ABCA13: variants seen among roughly 807,000 people sequenced by gnomAD.
The protein encoded by ABCA13 is ATP binding cassette subfamily A member 13.
Under a neutral mutation model 478.7 loss-of-function variants are expected in ABCA13, and 476 were observed. That is an observed-to-expected ratio of 0.99 (90% CI 0.92 to 1.07). The LOEUF (loss-of-function observed/expected upper bound fraction) is 1.07. Ranked by LOEUF, ABCA13 falls within the 50% of genes least tolerant of loss-of-function variation. The pLI is 0.00. For synonymous variants in ABCA13, 2,252 were observed against 2,158.9 expected (o/e 1.04, Z -1.20); for missense variants, 6,060 against 5,910.6 (o/e 1.03, Z -0.83).
Position 48,245,979 on chromosome 7 carries a change from C to G in ABCA13, c.1608C>G (p.Asn536Lys). 6.2e-7 allele frequency: 1 copy of G among 1,613,780 alleles called. No individual in the cohort carries two copies. The highest frequency in any genetic ancestry group is 2.2e-5 in the East Asian group (1 of 44,862). The change falls in exon 13 of 62, where the codon AAC (asparagine) becomes AAG (lysine). Residue 536 changes from asparagine (N) to lysine (K), a missense_variant. Asn to Lys is a moderately conservative substitution (Grantham distance 94). Coordinates refer to ENST00000435803, the MANE Select transcript of ABCA13 (RefSeq NM_152701.5). ...TCCAGGGACTGTTGTGCTATTGTAA[C>G]TCCTCTGAGACGAGTGTTTTAAACA... The part of the protein sequence containing the change: ...GGLQGLLCYC[N>K]SSETSVLNKL...
intron 42 of ABCA13, among the ~76,000 whole-genome samples, chr7:48,447,502 A>G (rs1429180612): frequency 2.6e-5 from 4 of 152,110 alleles, no homozygotes; most frequent in Non-Finnish European, 5.9e-5. Flanking sequence ...GTTGTTTTTA[A>G]CTCTGAAAAT....
rs1297858097 is a variant in ABCA13, at chr7:48,367,915, A to G, written c.10803+7A>G. On this transcript the variant is annotated splice_region_variant and intron_variant, in intron 32 of 61. Transcript: ENST00000435803. ...GGAGATACAGATAGAAGAGGTAAAT[A>G]TCCTTAAACCTTGCCTGGGAGACAA... The G allele has an allele frequency of 1.3e-6, 2 of 1,555,736 alleles. No homozygotes were observed. Among genetic ancestry groups the G allele is most frequent in the Admixed American group, 1.9e-5 (1 of 51,776 alleles).
rs772211107 is a variant in ABCA13 at position 48,466,949 on chromosome 7, A to G, written c.12816-7A>G. 5.6e-6 allele frequency: 9 copies of G among 1,613,712 alleles called. No individual in the cohort carries two copies. The East Asian group carries it at 2.0e-4, about 36-fold the overall frequency. On this transcript the variant is annotated splice_region_variant and splice_polypyrimidine_tract_variant and intron_variant, in intron 43 of 61. Coordinates refer to ENST00000435803, the MANE Select transcript of ABCA13 (RefSeq NM_152701.5). ...CTTTGTTTCCTTTGTCTCACAATGA[A>G]CAGCAGCAGTGGGGGCGACAACTTG...
Position 48,372,235 on chromosome 7 carries a change from T to C in ABCA13, c.10871T>C (p.Val3624Ala), listed in dbSNP as rs1232917851. ...GCCTGGTTCCTGGAGAACATGGCTG[T>C]GTTGACCATAAGCAGTGCTACTCTG... ...FLAWFLENMAVLTISSATLAI... is the reference protein window; with the variant it reads ...FLAWFLENMAALTISSATLAI... Residue 3624 changes from valine (V) to alanine (A), a missense_variant, in exon 33 of 62, where the codon GTG becomes GCG. Val to Ala is a moderately conservative substitution (Grantham distance 64, BLOSUM62 0). Around this residue, in one of 3 missense-constraint regions of ABCA13, gnomAD observed 4,423 missense variants for 4,309.1 expected, o/e 1.03. Coordinates refer to ENST00000435803, the MANE Select transcript of ABCA13 (RefSeq NM_152701.5). 2 of 1,613,824 alleles carry C rather than the reference T, an allele frequency of 1.2e-6. No individual in the cohort carries two copies. The highest frequency in any genetic ancestry group is 8.5e-7 in the Non-Finnish European group (1 of 1,179,862).
chr7:48,587,571 G>A (rs1346571460), intron 57 of ABCA13, among the ~76,000 whole-genome samples: 2 of 152,142 alleles, frequency 1.3e-5, no homozygotes, highest in Non-Finnish European at 2.9e-5. Context: ...GAATTCATCT[G>A]TAATCTGAAA....
rs918580887 is a variant in ABCA13 at position 48,224,765 on chromosome 7, G to T, written c.469-2497G>T. Among the ~76,000 whole-genome samples, 8 of 152,026 alleles carry T rather than the reference G, an allele frequency of 5.3e-5. No homozygotes were observed. In the East Asian group the frequency reaches 1.5e-3, roughly 29 times the overall value. ...TACAGGCAGTGATGTTGTTCAGAGCGTGTGCTCCCTGATTTAAAAAAGTCA... is the reference window on the plus strand; with the variant it reads ...TACAGGCAGTGATGTTGTTCAGAGCTTGTGCTCCCTGATTTAAAAAAGTCA... On this transcript the variant is annotated intron_variant, in intron 5 of 61. Coordinates refer to ENST00000435803, the MANE Select transcript of ABCA13 (RefSeq NM_152701.5).
At chr7:48,616,279 C>G (rs1471458442) in intron 59 of ABCA13, among the ~76,000 whole-genome samples, 1 of 152,050 alleles carries the variant, frequency 6.6e-6, no homozygotes, top group African/African-American at 2.4e-5. Flanking sequence ...TAGAGTTAGG[C>G]ACTGCTGGGA....
rs911902357 is a variant in ABCA13, at chr7:48,275,797, G to A, written c.6131G>A (p.Ser2044Asn). The A allele has an allele frequency of 6.2e-7, 1 of 1,612,332 alleles. No homozygotes were observed. The highest frequency in any genetic ancestry group is 8.5e-7 in the Non-Finnish European group (1 of 1,179,176). ...GGTAGCAGTTTAGAAGCATTATCAA[G>A]TTTTATTGAAAAAAGTGAAACACCT... ...VTGSSLEALS[S>N]FIEKSETPYN... The change falls in exon 17 of 62, where the codon AGT becomes AAT. Residue 2044 changes from serine to asparagine, a missense_variant. Transcript: ENST00000435803.
intron 55 of ABCA13, among the ~76,000 whole-genome samples, chr7:48,549,171 C>A (rs1285059346): frequency 6.6e-6 from 1 of 151,692 alleles, no homozygotes; most frequent in Non-Finnish European, 1.5e-5. Flanking sequence ...AGGTTTTAGG[C>A]CTTGCATGCA....
At chr7:48,196,639 C>T (rs1211195726) in intron 2 of ABCA13, among the ~76,000 whole-genome samples, 1 of 152,106 alleles carries the variant, frequency 6.6e-6, no homozygotes, top group Non-Finnish European at 1.5e-5. Flanking sequence ...TTGGGGTGGC[C>T]TGATGTTACC....
chr7:48,433,015 T>C (rs1015485490), intron 42 of ABCA13, among the ~76,000 whole-genome samples: 1 of 152,060 alleles, frequency 6.6e-6, no homozygotes, highest in African/African-American at 2.4e-5. Context: ...ATTAGCTCGG[T>C]TTAGCCGCTT....
rs748710968 is a variant in ABCA13 at position 48,273,660 on chromosome 7, G to T, written c.3994G>T (p.Val1332Leu). The change falls in exon 17 of 62, where the codon GTA (valine) becomes TTA (leucine). Residue 1332 changes from valine (V) to leucine (L), a missense_variant. Val to Leu is a conservative substitution (Grantham distance 32). Around this residue, in one of 3 missense-constraint regions of ABCA13, gnomAD observed 4,423 missense variants for 4,309.1 expected, o/e 1.03. Transcript: ENST00000435803. ...NIITELREAI[V>L]FLRNVSHDRD... The stretch of plus-strand genomic sequence containing the variant: ...CATCACTGAGCTAAGAGAAGCAATA[G>T]TATTTCTTAGAAATGTATCACATGA... 3.7e-6 allele frequency: 6 copies of T among 1,607,396 alleles called. No homozygotes were observed. The highest frequency in any genetic ancestry group is 5.1e-6 in the Non-Finnish European group (6 of 1,176,394).
At chr7:48,188,893 A>T (rs1215841772) in intron 1 of ABCA13, among the ~76,000 whole-genome samples, 1 of 152,196 alleles carries the variant, frequency 6.6e-6, no homozygotes, top group Non-Finnish European at 1.5e-5. Flanking sequence ...ATTCATGGTG[A>T]GAAGTGCCTT....
intron 55 of ABCA13, among the ~76,000 whole-genome samples, chr7:48,531,642 T>C (rs1833238103): frequency 6.6e-6 from 1 of 152,040 alleles, no homozygotes; most frequent in Non-Finnish European, 1.5e-5. Flanking sequence ...TGTGTTTCCA[T>C]TTGTTTGTAT....
intron 31 of ABCA13, among the ~76,000 whole-genome samples, chr7:48,356,465 G>T (rs985916633): frequency 1.3e-5 from 2 of 151,684 alleles, no homozygotes; most frequent in Non-Finnish European, 2.9e-5. Flanking sequence ...GTATAAACGG[G>T]GGGGACAGCT....
At chr7:48,314,930 A>T (rs886416139) in intron 26 of ABCA13, among the ~76,000 whole-genome samples, 3 of 152,248 alleles carry the variant, frequency 2.0e-5, no homozygotes, top group Non-Finnish European at 4.4e-5. Context: ...TGAATATGTC[A>T]TGATAGGTAC....
chr7:48,599,095 G>T (rs1032371507), intron 58 of ABCA13, among the ~76,000 whole-genome samples: 2 of 107,838 alleles, frequency 1.9e-5, no homozygotes, highest in African/African-American at 6.7e-5. Flanking sequence ...ATTAAGTTTT[G>T]AAAACAGTAA....
At chr7:48,197,766 T>C (rs1798134473) in intron 2 of ABCA13, among the ~76,000 whole-genome samples, 1 of 152,210 alleles carries the variant, frequency 6.6e-6, no homozygotes, top group Non-Finnish European at 1.5e-5. Flanking sequence ...TTTTGTATTA[T>C]ACAATATTTA....
At chr7:48,403,213 A>G (rs888971527) in intron 38 of ABCA13, among the ~76,000 whole-genome samples, 1 of 152,222 alleles carries the variant, frequency 6.6e-6, no homozygotes, top group Non-Finnish European at 1.5e-5. Context: ...ATTAATCAGG[A>G]AGGTCGGGTG....
Sources: allele counts gnomAD v4.1 joint callset (sites outside exome capture counted in the v4.1 genomes callset), GRCh38; gene constraint gnomAD v4.1.1; regional missense constraint gnomAD v4.1.1; transcripts MANE v1.5; gene names NCBI Gene and HGNC (gene_info 2026-07-23, HGNC 2026-07-21).